The following RAB27B variants were observed in gnomAD, a reference collection of about 807,000 sequenced individuals.
The protein encoded by RAB27B is RAB27B, member RAS oncogene family.
RAB27B carries 15 observed loss-of-function variants against 24.6 expected under a neutral mutation model. The observed-to-expected ratio is 0.61, with a 90% CI of 0.41 to 0.94. The LOEUF is 0.94. Ranked by LOEUF, RAB27B falls within the 40% of genes least tolerant of loss-of-function variation. The pLI is 0.00. For missense variants in RAB27B, 261 were observed against 266.8 expected (o/e 0.98, Z 0.15); for synonymous variants, 105 against 92.5 (o/e 1.14, Z -0.78).
intron 2 of RAB27B, among the ~76,000 whole-genome samples, chr18:54,792,699 C>A (rs754603160): frequency 6.6e-6 from 1 of 152,066 alleles, no homozygotes; most frequent in South Asian, 2.1e-4. Context: ...TTCTTCACTG[C>A]TCCAGTACCT....
At chr18:54,801,274 CAA>C (rs1909601705) in intron 2 of RAB27B, among the ~76,000 whole-genome samples, 1 of 151,916 alleles carries the variant, frequency 6.6e-6, no homozygotes, top group Non-Finnish European at 1.5e-5. Flanking sequence ...CTTGGCCTCC[CAA>C]AGTGTTGGGA....
chr18:54,830,863 T>A (rs1303821410), intron 1 of RAB27B, among the ~76,000 whole-genome samples: 1 of 152,206 alleles, frequency 6.6e-6, no homozygotes, highest in East Asian at 1.9e-4. Flanking sequence ...ACTCTGTTTA[T>A]CAAATGGCCA....
intron 1 of RAB27B, among the ~76,000 whole-genome samples, chr18:54,873,294 G>T (rs1912551083): frequency 6.6e-6 from 1 of 152,002 alleles, no homozygotes; most frequent in Non-Finnish European, 1.5e-5. Flanking sequence ...ACTCTTTTTA[G>T]CCCCTTGCCT....
chr18:54,830,163 G>A (rs1052091463), intron 1 of RAB27B, among the ~76,000 whole-genome samples: 8 of 152,150 alleles, frequency 5.3e-5, no homozygotes, highest in African/African-American at 1.7e-4. Flanking sequence ...TGACCCAATA[G>A]GGAAGGTAAC....
At chr18:54,844,402 T>C (rs1253053614) in intron 1 of RAB27B, among the ~76,000 whole-genome samples, 1 of 100,402 alleles carries the variant, frequency 1.0e-5, no homozygotes, top group Non-Finnish European at 1.9e-5. Context: ...TTCTTTCTTT[T>C]CTTTTCTTTT....
chr18:54,826,841 AC>A (rs2145176157), upstream of RAB27B, among the ~76,000 whole-genome samples: 1 of 152,258 alleles, frequency 6.6e-6, no homozygotes, highest in South Asian at 2.1e-4. Flanking sequence ...AATATAATAG[AC>A]GCCTTGCCTA....
At chr18:54,806,424 C>T (rs979874092) in intron 2 of RAB27B, among the ~76,000 whole-genome samples, 1 of 146,892 alleles carries the variant, frequency 6.8e-6, no homozygotes, top group Admixed American at 6.8e-5. Context: ...GTATATGTAG[C>T]CAAATGAATA....
chr18:54,843,175 T>G (rs917817845), intron 1 of RAB27B, among the ~76,000 whole-genome samples: 3 of 152,196 alleles, frequency 2.0e-5, no homozygotes, highest in African/African-American at 4.8e-5. Context: ...TTTGTACCAT[T>G]GTCACTGGAT....
chr18:54,845,263 C>T (rs1418579733), intron 1 of RAB27B, among the ~76,000 whole-genome samples: 1 of 151,758 alleles, frequency 6.6e-6, no homozygotes, highest in African/African-American at 2.4e-5. Flanking sequence ...AAAAATTACC[C>T]CGGTGTGGTG....
Position 54,780,747 on chromosome 18 carries a change from G to A in RAB27B, c.-20+62606G>A, listed in dbSNP as rs141001172. ...CAGATTTGGGGGAGGTGGGACATAA[G>A]CCCATAACACCTACCCAATCAGAAA... is the stretch of plus-strand genomic sequence containing the variant. On this transcript the variant is annotated intron_variant, in intron 2 of 4. Transcript: ENST00000586570. Among the ~76,000 whole-genome samples the A allele has an allele frequency of 8.9e-4, 136 of 152,242 alleles. 1 individual carries two copies. Among genetic ancestry groups the A allele is most frequent in the Non-Finnish European group, 1.5e-3 (105 of 68,020 alleles).
At chr18:54,861,593 G>T (rs1243087184) in intron 1 of RAB27B, among the ~76,000 whole-genome samples, 1 of 152,196 alleles carries the variant, frequency 6.6e-6, no homozygotes. Context: ...GCTGTAGAGT[G>T]AGACTTAGGA....
rs566933651 is a variant in RAB27B, at chr18:54,763,540, G to T, written c.-20+45399G>T. Among the ~76,000 whole-genome samples, 5 of 152,268 alleles carry T rather than the reference G, an allele frequency of 3.3e-5. No individual in the cohort carries two copies. In the South Asian group the frequency reaches 8.3e-4, roughly 25 times the overall value. The stretch of plus-strand genomic sequence containing the variant: ...TCCAGGGATAGCAAATAAGATCATG[G>T]ATGTAACAGATGTGCACTGTGTCCA... On this transcript the variant is annotated intron_variant, in intron 2 of 4. Transcript: ENST00000586570.
At chr18:54,794,927 ATTTG>A (rs58073690) in intron 2 of RAB27B, among the ~76,000 whole-genome samples, 76,803 of 151,606 alleles carry the variant, frequency 0.51, 21,305 homozygotes, top group Middle Eastern at 0.73. Context: ...GTTACTATAT[ATTTG>A]TTACTTTTTT....
intron 2 of RAB27B, among the ~76,000 whole-genome samples, chr18:54,809,301 C>A (rs529697333): frequency 2.6e-5 from 4 of 152,112 alleles, no homozygotes; most frequent in Admixed American, 6.5e-5. Context: ...TTCAGTTTGT[C>A]GATCTGGTTG....
At chr18:54,776,546 C>G (rs542298661) in intron 2 of RAB27B, among the ~76,000 whole-genome samples, 1 of 152,304 alleles carries the variant, frequency 6.6e-6, no homozygotes, top group South Asian at 2.1e-4. Flanking sequence ...GTAAAACAGA[C>G]AACTTCTTTA....
At chr18:54,766,434 T>A (rs1249840284) in intron 2 of RAB27B, among the ~76,000 whole-genome samples, 1 of 152,170 alleles carries the variant, frequency 6.6e-6, no homozygotes, top group Non-Finnish European at 1.5e-5. Context: ...GCCTTAAAAT[T>A]TGAGCAGATC....
chr18:54,881,516 T>C (rs1912924045), intron 3 of RAB27B, among the ~76,000 whole-genome samples: 1 of 152,166 alleles, frequency 6.6e-6, no homozygotes, highest in South Asian at 2.1e-4. Flanking sequence ...TTTCAGCCAG[T>C]TCTCTTATCT....
At chr18:54,756,193 A>G (rs1331875806) in intron 2 of RAB27B, among the ~76,000 whole-genome samples, 1 of 152,214 alleles carries the variant, frequency 6.6e-6, no homozygotes, top group Non-Finnish European at 1.5e-5. Flanking sequence ...TTGTACAAAA[A>G]TCAACAGGAA....
At chr18:54,736,914 C>A (rs1004420946) in intron 2 of RAB27B, among the ~76,000 whole-genome samples, 1 of 151,998 alleles carries the variant, frequency 6.6e-6, no homozygotes, top group Non-Finnish European at 1.5e-5. Context: ...GTACACTCAC[C>A]CATGGGATGT....
Sources: allele counts gnomAD v4.1 joint callset (sites outside exome capture counted in the v4.1 genomes callset), GRCh38; gene constraint gnomAD v4.1.1; transcripts MANE v1.5; gene names NCBI Gene and HGNC (gene_info 2026-07-23, HGNC 2026-07-21).